The following LRRTM1 variants were observed in gnomAD, a reference collection of about 807,000 sequenced individuals.
The protein encoded by LRRTM1 is leucine rich repeat transmembrane neuronal 1, also known as leucine-rich repeat transmembrane neuronal protein 1.
In LRRTM1, 8 loss-of-function variants were observed where a neutral mutation model predicts 37.3. The ratio of observed to expected loss-of-function variants is 0.21; its 90% CI spans 0.13 to 0.39. LRRTM1 has a LOEUF of 0.39. LRRTM1 is among the 10% of genes least tolerant of loss of function. The pLI, the probability that LRRTM1 is intolerant of heterozygous loss-of-function variation, is 1.00. For synonymous variants in LRRTM1, 326 were observed against 316.8 expected, an observed-to-expected ratio of 1.03 and a Z score of -0.31; for missense variants, 557 against 691.0, an observed-to-expected ratio of 0.81 and a Z score of 2.17.
intron 2 of LRRTM1, among the ~76,000 whole-genome samples, chr2:80,293,724 C>T (rs1675473181): frequency 6.6e-6 from 1 of 152,146 alleles, no homozygotes; most frequent in African/African-American, 2.4e-5. Flanking sequence ...GATCAGTGTC[C>T]TACTAGGATT....
At position 80,302,225 on chromosome 2, in the gene LRRTM1, G is replaced by T; in HGVS notation, c.*26C>A. ...CGGCTGCCCAGGCGTATTTGGTAGC[G>T]CATGGGTTGAGAGCCACTGGGACAA... On this transcript the variant is annotated 3_prime_UTR_variant, in exon 2 of 2. Coordinates refer to ENST00000295057, the MANE Select transcript of LRRTM1 (RefSeq NM_178839.5). The surrounding 1 kb of genome is among the most constrained non-coding windows in gnomAD (Gnocchi z 6.4). 2 of 1,599,678 alleles carry T rather than the reference G, an allele frequency of 1.3e-6. No individual in the cohort carries two copies. Among genetic ancestry groups the T allele is most frequent in the Non-Finnish European group, 1.7e-6 (2 of 1,172,680 alleles).
intron 2 of LRRTM1, among the ~76,000 whole-genome samples, chr2:80,292,619 T>C (rs1307592513): frequency 6.6e-6 from 1 of 152,200 alleles, no homozygotes; most frequent in Non-Finnish European, 1.5e-5. Context: ...CAAGAAGAAG[T>C]GGAGGCCTCT....
downstream of LRRTM1, among the ~76,000 whole-genome samples, chr2:80,300,185 G>A (rs1388873211): frequency 1.3e-5 from 2 of 152,004 alleles, no homozygotes; most frequent in Admixed American, 1.3e-4. Context: ...GTCTGAATGG[G>A]TGTCATGTGC....
downstream of LRRTM1, among the ~76,000 whole-genome samples, chr2:80,300,255 C>A (rs1256937362): frequency 6.8e-6 from 1 of 147,960 alleles, no homozygotes; most frequent in Non-Finnish European, 1.5e-5. Context: ...AGTTTCCTGG[C>A]CAGGAAAAAT....
chr2:80,300,931 A>T (rs1365671520), downstream of LRRTM1, among the ~76,000 whole-genome samples: 1 of 151,724 alleles, frequency 6.6e-6, no homozygotes, highest in Non-Finnish European at 1.5e-5. Flanking sequence ...AGAAGGAGCA[A>T]TCATCACTCT....
intron 2 of LRRTM1, among the ~76,000 whole-genome samples, chr2:80,295,345 T>G (rs1425764951): frequency 6.6e-6 from 1 of 152,074 alleles, no homozygotes; most frequent in African/African-American, 2.4e-5. Context: ...CTGCACATTC[T>G]AAAAACCCAA....
At position 80,302,227 on chromosome 2, in the gene LRRTM1, A is replaced by T; in HGVS notation, c.*24T>A. ...GCTGCCCAGGCGTATTTGGTAGCGC[A>T]TGGGTTGAGAGCCACTGGGACAATC... is the stretch of plus-strand genomic sequence containing the variant. On this transcript the variant is annotated 3_prime_UTR_variant, in exon 2 of 2. Transcript: ENST00000295057. The surrounding 1 kb of genome is among the most constrained non-coding windows in gnomAD (Gnocchi z 6.4). 1 of 1,601,634 alleles carries T rather than the reference A, an allele frequency of 6.2e-7. No homozygotes were observed.
chr2:80,301,927 A>G lies in LRRTM1; in HGVS notation c.*324T>C, dbSNP rs2290170. On this transcript the variant is annotated 3_prime_UTR_variant, in exon 2 of 2. Coordinates refer to ENST00000295057, the MANE Select transcript of LRRTM1 (RefSeq NM_178839.5). Reference sequence around the variant, plus strand: ...AACATTTTAGTTTACAAAAAAAAAAAAAATCAATGATTGGTACCTTTTTTA... The same window carrying G: ...AACATTTTAGTTTACAAAAAAAAAAGAAATCAATGATTGGTACCTTTTTTA... The G allele has an allele frequency of 2.5e-4, 56 of 219,842 alleles. 3 individuals are homozygous for G. In the East Asian group the frequency reaches 5.5e-3, roughly 22 times the overall value. The allele number at this position is 219,842 out of a possible 1,614,324, so 13.6% of individuals were successfully genotyped here.
At chr2:80,295,686 T>C (rs1182343819) in intron 2 of LRRTM1, among the ~76,000 whole-genome samples, 1 of 152,198 alleles carries the variant, frequency 6.6e-6, no homozygotes, top group Non-Finnish European at 1.5e-5. Flanking sequence ...AGAGACCAAT[T>C]GCAGTAAGAT....
At chr2:80,293,233 A>T (rs1476044743) in intron 2 of LRRTM1, among the ~76,000 whole-genome samples, 1 of 152,146 alleles carries the variant, frequency 6.6e-6, no homozygotes, top group Non-Finnish European at 1.5e-5. Flanking sequence ...AATTGTGTGT[A>T]ACTTGGCTTT....
chr2:80,299,525 A>G (rs1160831277), downstream of LRRTM1: 2 of 152,222 alleles, frequency 1.3e-5, no homozygotes, highest in African/African-American at 4.8e-5. Context: ...TTCTATGGTC[A>G]TCATTTGCTC....
downstream of LRRTM1, among the ~76,000 whole-genome samples, chr2:80,297,366 G>A (rs150591233): frequency 6.6e-6 from 1 of 152,162 alleles, no homozygotes; most frequent in Admixed American, 6.5e-5. Context: ...CCTGACTTCT[G>A]TAAGCCTCAG....
downstream of LRRTM1, among the ~76,000 whole-genome samples, chr2:80,297,339 T>G (rs1264610953): frequency 6.6e-6 from 1 of 152,178 alleles, no homozygotes; most frequent in Non-Finnish European, 1.5e-5. Flanking sequence ...ACTAGCTGGG[T>G]GACTTTGCAC....
intron 2 of LRRTM1, among the ~76,000 whole-genome samples, chr2:80,289,859 C>T (rs1331000653): frequency 6.6e-6 from 1 of 152,164 alleles, no homozygotes; most frequent in Non-Finnish European, 1.5e-5. Flanking sequence ...CTCCCTGCTC[C>T]CTGCTACGGA....
chr2:80,296,490 A>T (rs1675754164), intron 2 of LRRTM1, among the ~76,000 whole-genome samples: 1 of 152,198 alleles, frequency 6.6e-6, no homozygotes, highest in South Asian at 2.1e-4. Context: ...TTTGAGAAGC[A>T]TGTGTTAACT....
Position 80,302,821 on chromosome 2 carries a change from C to A in LRRTM1, c.999G>T (p.Gln333His), listed in dbSNP as rs777946053. 2 of 1,614,004 alleles carry A rather than the reference C, an allele frequency of 1.2e-6. No homozygotes were observed. The highest frequency in any genetic ancestry group is 2.2e-5 in the South Asian group (2 of 91,074). The change falls in exon 2 of 2, where the codon CAG (glutamine) becomes CAT (histidine). Residue 333 changes from glutamine to histidine, a missense_variant. Physicochemically the swap from Gln to His is conservative, Grantham distance 24 (BLOSUM62 0). Around this residue, in one of 5 missense-constraint regions of LRRTM1, gnomAD observed 200 missense variants for 249.9 expected, o/e 0.80. Transcript: ENST00000295057. This position sits in a 1 kb window ranked among gnomAD's most constrained non-coding sequence, Gnocchi z 6.4. ...ACTGCAAGTTGCCATCGTAGCGCCC[C>A]TGGAAGTTGTTGAGCCACGAGGCTA... is the stretch of plus-strand genomic sequence containing the variant. ...CALASWLNNF[Q>H]GRYDGNLQCA...
At chr2:80,300,518 T>C (rs555637539), downstream of LRRTM1, among the ~76,000 whole-genome samples, 1 of 152,182 alleles carries the variant, frequency 6.6e-6, no homozygotes, top group African/African-American at 2.4e-5. Context: ...AAAAAGCTGA[T>C]TTTGCCTCCT....
Position 80,303,549 on chromosome 2 carries a change from G to C in LRRTM1, c.271C>G (p.Leu91Val), listed in dbSNP as rs1284830036. 1 of 1,614,242 alleles carries C rather than the reference G, an allele frequency of 6.2e-7. No individual in the cohort carries two copies. The highest frequency in any genetic ancestry group is 2.2e-5 in the East Asian group (1 of 44,878). The part of the protein sequence containing the change: ...RAGQFTGLMQ[L>V]TWLYLDHNHI... ...TTGTGATCCAGATAGAGCCACGTGA[G>C]CTGCATTAACCCCGTGAACTGGCCG... The change falls in exon 2 of 2, where the codon CTC becomes GTC. Residue 91 changes from leucine to valine, a missense_variant. Physicochemically the swap from Leu to Val is conservative, Grantham distance 32. Around this residue, in one of 5 missense-constraint regions of LRRTM1, gnomAD observed 140 missense variants for 138.1 expected, o/e 1.01. Coordinates refer to ENST00000295057, the MANE Select transcript of LRRTM1 (RefSeq NM_178839.5). This position sits in a 1 kb window ranked among gnomAD's most constrained non-coding sequence, Gnocchi z 7.7.
chr2:80,297,763 G>T (rs1352025590), downstream of LRRTM1, among the ~76,000 whole-genome samples: 2 of 151,958 alleles, frequency 1.3e-5, no homozygotes, highest in African/African-American at 2.4e-5. Context: ...GTGGCATAAG[G>T]AGCCCAGAAG....
Sources: allele counts gnomAD v4.1 joint callset (sites outside exome capture counted in the v4.1 genomes callset), GRCh38; gene constraint gnomAD v4.1.1; regional missense constraint gnomAD v4.1.1; non-coding constraint Gnocchi (gnomAD v3.1); transcripts MANE v1.5; gene names NCBI Gene and HGNC (gene_info 2026-07-23, HGNC 2026-07-21).